ITGA7: variants seen among roughly 807,000 people sequenced by gnomAD.
ITGA7 encodes the protein integrin subunit alpha 7.
In ITGA7, 84 loss-of-function variants were observed where a neutral mutation model predicts 131.6. The observed-to-expected ratio is 0.64, with a 90% confidence interval of 0.54 to 0.77. ITGA7 has a LOEUF of 0.77. Among genes scored for constraint, ITGA7 ranks in the 30% least tolerant of loss-of-function variants. The pLI is 0.00. For missense variants in ITGA7, 1,399 were observed against 1,482.9 expected (o/e 0.94, Z 0.93); for synonymous variants, 548 against 600.7 (o/e 0.91, Z 1.28).
Position 55,700,919 on chromosome 12 carries a change from G to C in ITGA7, c.650C>G (p.Pro217Arg), listed in dbSNP as rs1179662449. Residue 217 changes from proline (P) to arginine (R), a missense_variant, in exon 4 of 25, where the codon CCA (proline) becomes CGA (arginine). Physicochemically the swap from Pro to Arg is moderately radical, Grantham distance 103 (BLOSUM62 -2). Coordinates refer to ENST00000257879, the MANE Select transcript of ITGA7 (RefSeq NM_002206.3). ...PDSHYLLFGA[P>R]GTYNWKGLLF... ...CTCACCCTTCCAATTATAGGTTCCT[G>C]GGGCCCCAAAGAGGAGGTAGTGGCT... The C allele has an allele frequency of 6.2e-7, 1 of 1,614,206 alleles. No homozygotes were observed. Among genetic ancestry groups the C allele is most frequent in the Non-Finnish European group, 8.5e-7 (1 of 1,180,030 alleles).
At chr12:55,686,691 C>T (rs756698596) in intron 24 of ITGA7, among the ~76,000 whole-genome samples, 3 of 152,188 alleles carry the variant, frequency 2.0e-5, no homozygotes, top group East Asian at 3.8e-4. Flanking sequence ...CGTGTACTGA[C>T]GTGTGCATGT....
rs1264212967 is a variant in ITGA7 at position 55,698,696 on chromosome 12, C to G, written c.998+14G>C. 1 of 1,613,810 alleles carries G rather than the reference C, an allele frequency of 6.2e-7. No individual in the cohort carries two copies. Among genetic ancestry groups the G allele is most frequent in the Non-Finnish European group, 8.5e-7 (1 of 1,179,832 alleles). On this transcript the variant is annotated intron_variant, in intron 6 of 24. Coordinates refer to ENST00000257879, the MANE Select transcript of ITGA7 (RefSeq NM_002206.3). Reference sequence around the variant, plus strand: ...CCAGCCTCCCTCAGGTGGCACGGCCCTCTACCCACTCACCCATCACTGTTG... The same window carrying G: ...CCAGCCTCCCTCAGGTGGCACGGCCGTCTACCCACTCACCCATCACTGTTG...
rs986621712 is a variant in ITGA7, at chr12:55,696,273, C to G, written c.1887+10G>C. 6.4e-7 allele frequency: 1 copy of G among 1,562,360 alleles called. No individual in the cohort carries two copies. The highest frequency in any genetic ancestry group is 8.7e-7 in the Non-Finnish European group (1 of 1,154,050). ...TCCTCCCCCTGGGCTAAACCAGAAC[C>G]CATGCTCACCTCTGCCCGCTGGGTG... On this transcript the variant is annotated intron_variant, in intron 13 of 24. Transcript: ENST00000257879.
At position 55,698,009 on chromosome 12, in the gene ITGA7, G is replaced by C; in HGVS notation, c.1210C>G (p.Pro404Ala). ...DGFPDIAVGAPFDGDGKVFIY... is the reference protein window; with the variant it reads ...DGFPDIAVGAAFDGDGKVFIY... Reference sequence around the variant, plus strand: ...AAGACTTTCCCATCACCATCAAAGGGGGCACCCACTGCAATATCTGCAGGG... The same window carrying C: ...AAGACTTTCCCATCACCATCAAAGGCGGCACCCACTGCAATATCTGCAGGG... Residue 404 changes from proline (P) to alanine (A), a missense_variant, in exon 8 of 25, where the codon CCC (proline) becomes GCC (alanine). Transcript: ENST00000257879. 1 of 1,614,048 alleles carries C rather than the reference G, an allele frequency of 6.2e-7. No homozygotes were observed. The highest frequency in any genetic ancestry group is 8.5e-7 in the Non-Finnish European group (1 of 1,180,006).
At position 55,694,194 on chromosome 12, in the gene ITGA7, A is replaced by G; in HGVS notation, c.2432+62T>C. 6.2e-7 allele frequency: 1 copy of G among 1,612,392 alleles called. No homozygotes were observed. Among genetic ancestry groups the G allele is most frequent in the Non-Finnish European group, 8.5e-7 (1 of 1,178,430 alleles). ...GCTCAATGAAGGCAGGGCCCTGGCC[A>G]AGGTTTGGAAATGTCAATGCCCCCT... On this transcript the variant is annotated intron_variant, in intron 18 of 24. Transcript: ENST00000257879. The surrounding 1 kb of genome is among the most constrained non-coding windows in gnomAD (Gnocchi z 5.3).
chr12:55,699,677 C>G, intron 5 of ITGA7, 193 bp downstream of exon 5: 1 of 695,054 alleles, frequency 1.4e-6, no homozygotes, highest in South Asian at 1.8e-5. Flanking sequence ...CAGAGGCCAC[C>G]ACCCTGGGGG....
At chr12:55,695,796 C>T (rs1190230475) in intron 13 of ITGA7, among the ~76,000 whole-genome samples, 159 bp from the exon 14 acceptor site, 1 of 152,072 alleles carries the variant, frequency 6.6e-6, no homozygotes, top group African/African-American at 2.4e-5. Flanking sequence ...GAACTGGGTC[C>T]TCTCCTCTGG....
chr12:55,695,725 C>G (rs925105193), intron 13 of ITGA7, 88 bp from the exon 14 acceptor site: 2 of 893,946 alleles, frequency 2.2e-6, no homozygotes. Context: ...GTTAGAGTAT[C>G]ACAGGATTAA....
chr12:55,706,798 G>A (rs1343118857), intron 1 of ITGA7, among the ~76,000 whole-genome samples: 1 of 152,154 alleles, frequency 6.6e-6, no homozygotes, highest in African/African-American at 2.4e-5. Context: ...CATCCTTCCT[G>A]GATCTCTCTC....
intron 1 of ITGA7, among the ~76,000 whole-genome samples, chr12:55,706,358 G>C (rs1875178889): frequency 6.6e-6 from 1 of 152,138 alleles, no homozygotes; most frequent in Admixed American, 6.6e-5. Flanking sequence ...GAAGAAGAAA[G>C]ATTAGAGCTA....
At chr12:55,704,892 C>A (rs1425554034) in intron 1 of ITGA7, among the ~76,000 whole-genome samples, 1 of 152,186 alleles carries the variant, frequency 6.6e-6, no homozygotes, top group African/African-American at 2.4e-5. Flanking sequence ...TAAATGGCAA[C>A]CTTCAGGCAA....
At chr12:55,700,421 G>A in intron 4 of ITGA7, 1 of 1,587,512 alleles carries the variant, frequency 6.3e-7, no homozygotes, top group Non-Finnish European at 8.5e-7. Context: ...TTAGTGCCCA[G>A]GGCAGGGCGC....
intron 2 of ITGA7, 30 bp from the exon 3 acceptor site, chr12:55,702,981 G>A: frequency 1.2e-6 from 2 of 1,613,324 alleles, no homozygotes; most frequent in Non-Finnish European, 8.5e-7. Context: ...AATTAGGGGA[G>A]GGAAGAGGAG....
upstream of ITGA7, among the ~76,000 whole-genome samples, chr12:55,709,394 G>A (rs1183633582): frequency 2.0e-5 from 3 of 152,082 alleles, no homozygotes; most frequent in Admixed American, 1.3e-4. Context: ...GCTGCCCTGG[G>A]ACAGTCTTTG....
intron 4 of ITGA7, chr12:55,700,530 C>A (rs1873757432): frequency 2.9e-6 from 3 of 1,036,504 alleles, no homozygotes; most frequent in African/African-American, 1.6e-5. Flanking sequence ...CCAACCCAGG[C>A]TTCCTGGGGT....
chr12:55,696,198 G>A (rs1872584032), intron 13 of ITGA7, 85 bp downstream of exon 13: 1 of 1,400,080 alleles, frequency 7.1e-7, no homozygotes, highest in South Asian at 1.2e-5. Flanking sequence ...GGCTCTGTGA[G>A]CTGTGAATTG....
intron 21 of ITGA7, among the ~76,000 whole-genome samples, chr12:55,692,515 G>A (rs1203437745): frequency 2.0e-5 from 3 of 152,218 alleles, no homozygotes; most frequent in Non-Finnish European, 2.9e-5. Flanking sequence ...TCAAAAGAAC[G>A]ACAAACAGAC....
upstream of ITGA7, chr12:55,712,306 G>A: frequency 6.9e-7 from 1 of 1,449,510 alleles, no homozygotes; most frequent in East Asian, 2.5e-5. Flanking sequence ...TTTGAGCACT[G>A]GCTTCAGGCC....
intron 10 of ITGA7, 35 bp downstream of exon 10, chr12:55,697,416 T>G (rs988012534): frequency 6.2e-7 from 1 of 1,603,400 alleles, no homozygotes; most frequent in Non-Finnish European, 8.5e-7. Flanking sequence ...CAGGGGAAGC[T>G]GCCAGGGTCC....
Sources: allele counts gnomAD v4.1 joint callset (sites outside exome capture counted in the v4.1 genomes callset), GRCh38; gene constraint gnomAD v4.1.1; non-coding constraint Gnocchi (gnomAD v3.1); transcripts MANE v1.5; gene names NCBI Gene and HGNC (gene_info 2026-07-23, HGNC 2026-07-21).